Variants in PARD3B observed in about 807,000 individuals in gnomAD.
PARD3B encodes par-3 family cell polarity regulator beta, also known as partitioning defective 3 homolog B.
Under a neutral mutation model 130.2 loss-of-function variants are expected in PARD3B, and 103 were observed. The observed-to-expected ratio is 0.79, with a 90% CI of 0.67 to 0.93. The LOEUF (loss-of-function observed/expected upper bound fraction) is 0.93, where lower values mean the gene tolerates loss of function less well. Ranked by LOEUF, PARD3B falls within the 40% of genes least tolerant of loss-of-function variation. PARD3B has a pLI of 0.00. For missense variants in PARD3B, 1,609 were observed against 1,499.2 expected (o/e 1.07, Z -1.21); for synonymous variants, 583 against 553.2 (o/e 1.05, Z -0.76).
rs548216863 is a variant in PARD3B, at chr2:205,394,963, A to C, written c.2631-6050A>C. Among the ~76,000 whole-genome samples the C allele has an allele frequency of 5.3e-5, 8 of 152,316 alleles. No individual in the cohort carries two copies. The East Asian group carries it at 1.5e-3, about 29-fold the overall frequency. ...GTGTGAATGTGCTTAATGCCACTGA[A>C]ATGTACACTGAAAAATAGCTAAAAT... On this transcript the variant is annotated intron_variant, in intron 18 of 22. Coordinates refer to ENST00000406610, the MANE Select transcript of PARD3B (RefSeq NM_001302769.2).
intron 21 of PARD3B, among the ~76,000 whole-genome samples, chr2:205,528,814 G>A (rs568271782): frequency 6.6e-6 from 1 of 152,208 alleles, no homozygotes; most frequent in East Asian, 1.9e-4. Flanking sequence ...TACTCAACAA[G>A]CTAGCCTAAC....
At chr2:205,162,017 C>T (rs1159001496) in intron 11 of PARD3B, among the ~76,000 whole-genome samples, 2 of 152,080 alleles carry the variant, frequency 1.3e-5, no homozygotes, top group Non-Finnish European at 2.9e-5. Context: ...GAGGGCATTG[C>T]TTTGTTTTGT....
chr2:205,248,413 G>C (rs1222468942), intron 16 of PARD3B, among the ~76,000 whole-genome samples: 3 of 151,396 alleles, frequency 2.0e-5, no homozygotes, highest in Admixed American at 2.0e-4. Context: ...GGTGGTGGTG[G>C]TGGCGGCAGC....
At chr2:205,479,697 G>C (rs2049155127) in intron 20 of PARD3B, among the ~76,000 whole-genome samples, 1 of 152,160 alleles carries the variant, frequency 6.6e-6, no homozygotes, top group Admixed American at 6.5e-5. Flanking sequence ...AGAAAAGCCA[G>C]AGATGTATTC....
At chr2:204,872,579 G>A (rs2045671551) in intron 2 of PARD3B, among the ~76,000 whole-genome samples, 1 of 152,102 alleles carries the variant, frequency 6.6e-6, no homozygotes, top group Admixed American at 6.6e-5. Flanking sequence ...CCTAAGAGAT[G>A]TGCCCAGACT....
At chr2:204,789,214 G>T (rs928572297) in intron 2 of PARD3B, among the ~76,000 whole-genome samples, 2 of 152,024 alleles carry the variant, frequency 1.3e-5, no homozygotes, top group African/African-American at 4.8e-5. Flanking sequence ...GCACCACCAT[G>T]ACTGGCTAAT....
At chr2:204,796,233 CA>C (rs1473412236) in intron 2 of PARD3B, among the ~76,000 whole-genome samples, 1 of 152,238 alleles carries the variant, frequency 6.6e-6, no homozygotes, top group East Asian at 1.9e-4. Flanking sequence ...GCAATATGAT[CA>C]AATGGTTATG....
chr2:205,580,465 AT>A (rs1344171379), intron 22 of PARD3B, among the ~76,000 whole-genome samples: 2 of 152,142 alleles, frequency 1.3e-5, no homozygotes. Context: ...GCATGTTGAT[AT>A]TGCTTCATGG....
At chr2:205,372,453 A>T (rs539986318) in intron 18 of PARD3B, among the ~76,000 whole-genome samples, 16 of 152,156 alleles carry the variant, frequency 1.1e-4, no homozygotes, top group Non-Finnish European at 1.9e-4. Context: ...TCTTGTGCTC[A>T]TTGAAAATTT....
At chr2:205,272,420 A>C (rs960168874) in intron 16 of PARD3B, among the ~76,000 whole-genome samples, 4 of 152,226 alleles carry the variant, frequency 2.6e-5, no homozygotes, top group Admixed American at 2.6e-4. Context: ...CTGGTGTTAA[A>C]ATAGGTAAAC....
intron 11 of PARD3B, among the ~76,000 whole-genome samples, chr2:205,166,538 T>C (rs2034830024): frequency 6.6e-6 from 1 of 152,226 alleles, no homozygotes; most frequent in South Asian, 2.1e-4. Flanking sequence ...TTTTAACAAC[T>C]GTACTTTAAA....
chr2:205,471,615 G>A (rs2048838588), intron 20 of PARD3B, among the ~76,000 whole-genome samples: 1 of 151,692 alleles, frequency 6.6e-6, no homozygotes, highest in Non-Finnish European at 1.5e-5. Flanking sequence ...CACCTGCCTT[G>A]GCCTCCCAAA....
chr2:205,386,250 C>T (rs1361102388), intron 18 of PARD3B, among the ~76,000 whole-genome samples: 1 of 152,082 alleles, frequency 6.6e-6, no homozygotes, highest in South Asian at 2.1e-4. Flanking sequence ...TTGGCAAGTG[C>T]CCTTTTGACC....
At chr2:204,981,003 T>G (rs1385059664) in intron 3 of PARD3B, among the ~76,000 whole-genome samples, 2 of 152,216 alleles carry the variant, frequency 1.3e-5, no homozygotes, top group Non-Finnish European at 2.9e-5. Flanking sequence ...TCGATTCTTT[T>G]TATACTATCT....
rs547843025 is a variant in PARD3B, at chr2:205,341,676, G to T, written c.2630+39975G>T. On this transcript the variant is annotated intron_variant, in intron 18 of 22. Coordinates refer to ENST00000406610, the MANE Select transcript of PARD3B (RefSeq NM_001302769.2). This position sits in a 1 kb window ranked among gnomAD's most constrained non-coding sequence, Gnocchi z 4.3. ...CCGACAGCACTGTTGGTTAAATGTGGTTAACTACAATTTATTGTATATTTT... is the reference window on the plus strand; with the variant it reads ...CCGACAGCACTGTTGGTTAAATGTGTTTAACTACAATTTATTGTATATTTT... 2.3e-4 allele frequency among the ~76,000 whole-genome samples: 35 copies of T among 152,076 alleles called. No individual in the cohort carries two copies. Among genetic ancestry groups the T allele is most frequent in the Admixed American group, 8.5e-4 (13 of 15,250 alleles).
At chr2:204,609,660 T>A (rs554110991) in intron 1 of PARD3B, among the ~76,000 whole-genome samples, 6 of 152,134 alleles carry the variant, frequency 3.9e-5, no homozygotes, top group Non-Finnish European at 8.8e-5. Context: ...TGAGTTAAGA[T>A]AAGGGGAGTT....
intron 1 of PARD3B, among the ~76,000 whole-genome samples, chr2:204,570,161 A>G: frequency 6.6e-6 from 1 of 152,220 alleles, no homozygotes; most frequent in Non-Finnish European, 1.5e-5. Flanking sequence ...ACAAAGTCAC[A>G]AAATGTACAG....
chr2:204,736,032 T>C (rs2039733092), intron 2 of PARD3B, among the ~76,000 whole-genome samples: 1 of 152,118 alleles, frequency 6.6e-6, no homozygotes, highest in Non-Finnish European at 1.5e-5. Context: ...CCGGAAACTC[T>C]TTGAGACTTT....
chr2:205,224,097 C>T (rs1362656611), intron 15 of PARD3B, among the ~76,000 whole-genome samples: 3 of 146,378 alleles, frequency 2.0e-5, no homozygotes, highest in African/African-American at 7.6e-5. Flanking sequence ...GGGCCAGGCA[C>T]GGTGGCTCAC....
Sources: allele counts gnomAD v4.1 joint callset (sites outside exome capture counted in the v4.1 genomes callset), GRCh38; gene constraint gnomAD v4.1.1; non-coding constraint Gnocchi (gnomAD v3.1); transcripts MANE v1.5; gene names NCBI Gene and HGNC (gene_info 2026-07-23, HGNC 2026-07-21).